Variants in KCNMA1 observed in about 807,000 individuals in gnomAD.
KCNMA1 encodes the protein Calcium-activated potassium channel subunit alpha-1.
A neutral mutation model predicts 140.0 loss-of-function variants in KCNMA1; 29 were observed. That is an observed-to-expected ratio of 0.21 (90% CI 0.15 to 0.28). KCNMA1 has a LOEUF of 0.28. Ranked by LOEUF, KCNMA1 falls within the 10% of genes least tolerant of loss-of-function variation. The pLI is 1.00. For missense variants in KCNMA1, 880 were observed against 1,602.2 expected, an observed-to-expected ratio of 0.55 and a Z score of 7.70; for synonymous variants, 612 against 611.9, an observed-to-expected ratio of 1.00 and a Z score of 0.00.
Position 77,126,578 on chromosome 10 carries a change from T to C in KCNMA1, c.809-5530A>G, listed in dbSNP as rs1160903296. ...TGTAGGGTACAGCCCAAATCCCCTCTTCAGGGACCTTATTTGTCCTGGGCT... is the reference window on the plus strand; with the variant it reads ...TGTAGGGTACAGCCCAAATCCCCTCCTCAGGGACCTTATTTGTCCTGGGCT... On this transcript the variant is annotated intron_variant, in intron 5 of 27. Coordinates refer to ENST00000286628, the MANE Select transcript of KCNMA1 (RefSeq NM_001161352.2). Among the ~76,000 whole-genome samples, 3 of 152,170 alleles carry C rather than the reference T, an allele frequency of 2.0e-5. No homozygotes were observed. The East Asian group carries it at 5.8e-4, about 29-fold the overall frequency.
At chr10:77,350,130 CT>C (rs1327702639) in intron 2 of KCNMA1, among the ~76,000 whole-genome samples, 1 of 152,172 alleles carries the variant, frequency 6.6e-6, no homozygotes, top group African/African-American at 2.4e-5. Context: ...AACTCCTCAC[CT>C]CAGGTGATCC....
At chr10:77,242,857 C>T (rs2154236335) in intron 3 of KCNMA1, among the ~76,000 whole-genome samples, 1 of 151,210 alleles carries the variant, frequency 6.6e-6, no homozygotes, top group South Asian at 2.1e-4. Flanking sequence ...CCCCCATGCT[C>T]TTCTTCTCCA....
chr10:76,962,634 T>C (rs2072096228), intron 20 of KCNMA1, among the ~76,000 whole-genome samples: 1 of 152,222 alleles, frequency 6.6e-6, no homozygotes, highest in South Asian at 2.1e-4. Flanking sequence ...CTGAAGTTAT[T>C]TTCCCTTCCT....
intron 5 of KCNMA1, among the ~76,000 whole-genome samples, chr10:77,175,445 T>C (rs2098744324): frequency 6.6e-6 from 1 of 152,204 alleles, no homozygotes; most frequent in South Asian, 2.1e-4. Flanking sequence ...GACTCACTCA[T>C]TCATTCATTC....
chr10:76,955,490 G>T (rs930917374), intron 20 of KCNMA1, among the ~76,000 whole-genome samples: 1 of 152,132 alleles, frequency 6.6e-6, no homozygotes, highest in African/African-American at 2.4e-5. Context: ...ACTATGTGAA[G>T]CCAACTTGCA....
At chr10:77,398,540 G>A (rs988466755) in intron 2 of KCNMA1, among the ~76,000 whole-genome samples, 3 of 152,142 alleles carry the variant, frequency 2.0e-5, no homozygotes, top group Admixed American at 6.5e-5. Flanking sequence ...ACTTTTAAAT[G>A]TTATTTGGTG....
chr10:77,593,078 C>T (rs1408133934), intron 1 of KCNMA1, among the ~76,000 whole-genome samples: 1 of 152,200 alleles, frequency 6.6e-6, no homozygotes, highest in Non-Finnish European at 1.5e-5. Context: ...TAAGCACTGT[C>T]CACATGCGCC....
At chr10:77,618,705 C>T (rs908309736) in intron 1 of KCNMA1, among the ~76,000 whole-genome samples, 2 of 152,248 alleles carry the variant, frequency 1.3e-5, no homozygotes, top group African/African-American at 4.8e-5. Context: ...GTTTCCACAA[C>T]TGCCAATCAT....
intron 1 of KCNMA1, among the ~76,000 whole-genome samples, chr10:77,440,537 T>G (rs1258286045): frequency 6.6e-6 from 1 of 152,140 alleles, no homozygotes; most frequent in Non-Finnish European, 1.5e-5. Context: ...AAGACAAAAG[T>G]GAAGATTTAA....
chr10:77,122,007 C>T (rs533380046), intron 5 of KCNMA1, among the ~76,000 whole-genome samples: 5 of 152,218 alleles, frequency 3.3e-5, no homozygotes, highest in South Asian at 4.1e-4. Context: ...AGCACCGCCA[C>T]GTGCCAAAGG....
intron 1 of KCNMA1, among the ~76,000 whole-genome samples, chr10:77,604,931 C>A (rs1427423376): frequency 6.6e-6 from 1 of 152,012 alleles, no homozygotes; most frequent in Non-Finnish European, 1.5e-5. Context: ...CCACCATATG[C>A]CGCTGCAGCC....
At position 77,637,740 on chromosome 10, in the gene KCNMA1, TGCCGCC is replaced by T. The variant is rs781056387; in HGVS notation, c.-104_-99del. ...TCAACAGCCATATTGCTGCTACTGCTGCCGCCGCCGCCGCCGCCGCGGAGCGCGGGA... is the reference window on the plus strand; with the variant it reads ...TCAACAGCCATATTGCTGCTACTGCTGCCGCCGCCGCCGCGGAGCGCGGGA... On this transcript the variant is annotated 5_prime_UTR_variant, in exon 1 of 28. Transcript: ENST00000286628. The T allele has an allele frequency of 5.4e-6, 7 of 1,300,580 alleles. No homozygotes were observed. The highest frequency in any genetic ancestry group is 4.2e-5 in the Admixed American group (1 of 23,814). 80.6% of individuals were successfully genotyped at this position (1,300,580 alleles called of 1,614,324 possible). A position where few individuals can be genotyped will look rare whatever the true frequency, so the allele number is the denominator to read the frequency against.
At chr10:77,208,375 G>A (rs1266600352) in intron 3 of KCNMA1, among the ~76,000 whole-genome samples, 1 of 152,104 alleles carries the variant, frequency 6.6e-6, no homozygotes, top group African/African-American at 2.4e-5. Flanking sequence ...TTATAATCCC[G>A]GCTCCTTGGA....
At chr10:77,533,086 G>A (rs1464831568) in intron 1 of KCNMA1, among the ~76,000 whole-genome samples, 2 of 152,184 alleles carry the variant, frequency 1.3e-5, no homozygotes, top group Non-Finnish European at 2.9e-5. Context: ...GAAAATATTT[G>A]TAGAGTGAAT....
intron 2 of KCNMA1, among the ~76,000 whole-genome samples, chr10:77,367,780 T>G (rs1566314195): frequency 6.6e-6 from 1 of 152,188 alleles, no homozygotes; most frequent in Non-Finnish European, 1.5e-5. Flanking sequence ...TCCAAGGAAG[T>G]AACATAAATG....
intron 1 of KCNMA1, among the ~76,000 whole-genome samples, chr10:77,545,656 T>G (rs1463278945): frequency 6.6e-6 from 1 of 152,180 alleles, no homozygotes; most frequent in Non-Finnish European, 1.5e-5. Flanking sequence ...GACTTTGAGC[T>G]TCCTGGCAGG....
intron 1 of KCNMA1, among the ~76,000 whole-genome samples, chr10:77,633,808 C>A (rs557540774): frequency 6.6e-6 from 1 of 152,328 alleles, no homozygotes; most frequent in South Asian, 2.1e-4. Flanking sequence ...GGCCCCTCAA[C>A]AAACCACAGC....
chr10:76,968,731 T>C (rs4979881), intron 20 of KCNMA1, among the ~76,000 whole-genome samples: 122,604 of 152,168 alleles, frequency 0.81, 49,612 homozygotes, highest in East Asian at 0.98. Flanking sequence ...CTGGGTGAAG[T>C]GGAAGGCAGA....
At chr10:77,176,347 C>T (rs2098751458) in intron 5 of KCNMA1, among the ~76,000 whole-genome samples, 1 of 152,168 alleles carries the variant, frequency 6.6e-6, no homozygotes, top group South Asian at 2.1e-4. Context: ...CTAATATGTT[C>T]CCCTCAGTCA....
Sources: gnomAD v4.1 joint callset for allele counts (sites outside exome capture counted in the v4.1 genomes callset) on GRCh38, gnomAD v4.1.1 for gene constraint, MANE v1.5 for transcripts, NCBI Gene and HGNC (gene_info 2026-07-23, HGNC 2026-07-21) for gene names.